FRS2: variants seen among roughly 807,000 people sequenced by gnomAD.
The protein encoded by FRS2 is FGFR signalling adaptor.
In FRS2, 8 loss-of-function variants were observed where a neutral mutation model predicts 43.9. The ratio of observed to expected loss-of-function variants is 0.18; its 90% CI spans 0.11 to 0.33. The LOEUF (loss-of-function observed/expected upper bound fraction) is 0.33, where lower values mean the gene tolerates loss of function less well. Among genes scored for constraint, FRS2 ranks in the 10% least tolerant of loss-of-function variants. The probability of loss-of-function intolerance (pLI) is 1.00; values close to 1 mark genes in which losing one functional copy is unlikely to be tolerated. For missense variants in FRS2, 534 were observed against 627.6 expected (o/e 0.85, Z 1.59); for synonymous variants, 219 against 220.3 (o/e 0.99, Z 0.05).
chr12:69,550,382 A>T (rs1359240720), intron 3 of FRS2, among the ~76,000 whole-genome samples: 1 of 152,334 alleles, frequency 6.6e-6, no homozygotes, highest in African/African-American at 2.4e-5. Context: ...CAAAAACCAT[A>T]TGAAGTGTAG....
chr12:69,523,960 C>G (rs1486957510), intron 1 of FRS2, among the ~76,000 whole-genome samples: 1 of 152,202 alleles, frequency 6.6e-6, no homozygotes, highest in African/African-American at 2.4e-5. Flanking sequence ...CTCGTTTGCA[C>G]GTGCCAACAG....
intron 3 of FRS2, among the ~76,000 whole-genome samples, chr12:69,545,753 C>T (rs1239721566): frequency 1.4e-5 from 1 of 73,286 alleles, no homozygotes; most frequent in African/African-American, 4.8e-5. Flanking sequence ...GAGACCCTGT[C>T]TCAAAAAAAA....
At chr12:69,525,491 C>G (rs1378675189) in intron 1 of FRS2, among the ~76,000 whole-genome samples, 1 of 152,152 alleles carries the variant, frequency 6.6e-6, no homozygotes. Flanking sequence ...GATTTCAAAA[C>G]CATGCAGACC....
intron 1 of FRS2, among the ~76,000 whole-genome samples, chr12:69,524,435 T>C (rs946157315): frequency 6.6e-6 from 1 of 151,828 alleles, no homozygotes; most frequent in African/African-American, 2.4e-5. Context: ...TGTGTGTCTG[T>C]GGGGCAGCTC....
intron 1 of FRS2, among the ~76,000 whole-genome samples, chr12:69,503,957 A>G (rs1311436048): frequency 6.6e-6 from 1 of 152,256 alleles, no homozygotes; most frequent in East Asian, 1.9e-4. Context: ...TAATCCCAGC[A>G]CTTTGGGAAG....
Position 69,571,556 on chromosome 12 carries a change from T to C in FRS2, c.412+122T>C, listed in dbSNP as rs1880759261. On this transcript the variant is annotated intron_variant, in intron 7 of 8. Transcript: ENST00000549921. ...CACTGGATAACAGAAGTATAATGGT[T>C]GTCAGTTTTTAAAAACAGCTGTAGG... is the stretch of plus-strand genomic sequence containing the variant. 3.6e-6 allele frequency: 3 copies of C among 841,616 alleles called. No homozygotes were observed. In the Admixed American group the frequency reaches 8.0e-5, roughly 22 times the overall value. 52.1% of individuals were successfully genotyped at this position (841,616 alleles called of 1,614,324 possible).
rs71094720 is a variant in FRS2 at position 69,536,101 on chromosome 12, C to CTTT, written c.-122+4083_-122+4085dup. On this transcript the variant is annotated intron_variant, in intron 3 of 8. Coordinates refer to ENST00000549921, the MANE Select transcript of FRS2 (RefSeq NM_001278356.2). ...TTTTGGTTACTGTAGTATTTTCATTCTTTTTTTTTTTTTTTTTTTTTTTTT... is the reference window on the plus strand; with the variant it reads ...TTTTGGTTACTGTAGTATTTTCATTCTTTTTTTTTTTTTTTTTTTTTTTTTTTT... Among the ~76,000 whole-genome samples, 17 of 37,206 alleles carry CTTT rather than the reference C, an allele frequency of 4.6e-4. 2 individuals are homozygous for CTTT. Among genetic ancestry groups the CTTT allele is most frequent in the Non-Finnish European group, 7.4e-4 (14 of 18,814 alleles). The allele number at this position is 37,206 out of a possible 152,430, so 24.4% of individuals were successfully genotyped here. A position where few individuals can be genotyped will look rare whatever the true frequency, so the allele number is the denominator to read the frequency against.
intron 1 of FRS2, among the ~76,000 whole-genome samples, chr12:69,519,513 C>T (rs1201849378): frequency 1.3e-5 from 2 of 152,240 alleles, no homozygotes; most frequent in Non-Finnish European, 2.9e-5. Context: ...AAGTACTAAG[C>T]CTAGTACCCA....
At chr12:69,572,011 C>A in intron 7 of FRS2, 107 bp from the exon 8 acceptor site, 1 of 715,700 alleles carries the variant, frequency 1.4e-6, no homozygotes, top group Non-Finnish European at 2.3e-6. Context: ...TTTCTGCTGT[C>A]TTGGCAGAAA....
chr12:69,541,135 A>T (rs1323003754), intron 3 of FRS2, among the ~76,000 whole-genome samples: 1 of 151,990 alleles, frequency 6.6e-6, no homozygotes, highest in African/African-American at 2.4e-5. Context: ...CATACTTTGC[A>T]ACTTTTATTA....
At position 69,525,340 on chromosome 12, in the gene FRS2, T is replaced by G. The variant is rs1214011393; in HGVS notation, c.-260-5525T>G. Among the ~76,000 whole-genome samples, 3 of 152,098 alleles carry G rather than the reference T, an allele frequency of 2.0e-5. No homozygotes were observed. The East Asian group carries it at 5.8e-4, about 29-fold the overall frequency. On this transcript the variant is annotated intron_variant, in intron 1 of 8. Transcript: ENST00000549921. ...AGGAAGGAAGGAAAGGAGAGAAAGA[T>G]GAGACAAACATTGACTATAGAGAGA...
At chr12:69,557,819 A>G (rs1244765655) in intron 3 of FRS2, 3 of 152,200 alleles carry the variant, frequency 2.0e-5, no homozygotes, top group East Asian at 1.9e-4. Context: ...AAGATTAACA[A>G]TGACTCCAGG....
At chr12:69,556,054 A>C (rs1393019752) in intron 3 of FRS2, among the ~76,000 whole-genome samples, 1 of 151,134 alleles carries the variant, frequency 6.6e-6, no homozygotes, top group African/African-American at 2.4e-5. Flanking sequence ...TCATGTGCAC[A>C]TAGTCAATAT....
chr12:69,485,433 C>T (rs554568168), intron 1 of FRS2, among the ~76,000 whole-genome samples: 5 of 152,132 alleles, frequency 3.3e-5, no homozygotes, highest in Middle Eastern at 3.4e-3. Context: ...CCGCCCGCCT[C>T]GACCTTCCAA....
intron 1 of FRS2, among the ~76,000 whole-genome samples, chr12:69,528,384 G>A (rs1876466126): frequency 1.3e-5 from 2 of 152,172 alleles, no homozygotes; most frequent in Non-Finnish European, 2.9e-5. Flanking sequence ...AGATTACCTG[G>A]AACCTTATAA....
intron 1 of FRS2, among the ~76,000 whole-genome samples, chr12:69,477,204 A>C (rs935286183): frequency 1.1e-4 from 17 of 149,988 alleles, no homozygotes; most frequent in Non-Finnish European, 2.2e-4. Context: ...GTAGGGTTTT[A>C]TATTTTAAAA....
At chr12:69,544,485 T>G (rs1163496314) in intron 3 of FRS2, among the ~76,000 whole-genome samples, 1 of 151,980 alleles carries the variant, frequency 6.6e-6, no homozygotes, top group African/African-American at 2.4e-5. Context: ...GGTGGGTGAG[T>G]CACTTGAGAT....
chr12:69,484,177 C>T (rs1048804065), intron 1 of FRS2, among the ~76,000 whole-genome samples: 77 of 151,762 alleles, frequency 5.1e-4, no homozygotes, highest in Non-Finnish European at 8.3e-4. Context: ...CTCCGCCTCC[C>T]GGGTTCACGC....
At chr12:69,563,924 CT>C (rs1274901170) in intron 4 of FRS2, among the ~76,000 whole-genome samples, 1 of 152,158 alleles carries the variant, frequency 6.6e-6, no homozygotes, top group African/African-American at 2.4e-5. Context: ...CCCCCTCTGT[CT>C]TGATCCATCA....
Sources: gnomAD v4.1 joint callset for allele counts (sites outside exome capture counted in the v4.1 genomes callset) on GRCh38, gnomAD v4.1.1 for gene constraint, MANE v1.5 for transcripts, NCBI Gene and HGNC (gene_info 2026-07-23, HGNC 2026-07-21) for gene names.